Variants in KIAA1217 observed in about 807,000 individuals in gnomAD.
The protein encoded by KIAA1217 is KIAA1217.
KIAA1217 carries 88 observed loss-of-function variants against 163.9 expected under a neutral mutation model. The observed-to-expected ratio is 0.54, with a 90% confidence interval of 0.45 to 0.64. The LOEUF (loss-of-function observed/expected upper bound fraction) is 0.64, where lower values mean the gene tolerates loss of function less well. Ranked by LOEUF, KIAA1217 falls within the 30% of genes least tolerant of loss-of-function variation. The pLI is 0.00. For missense variants in KIAA1217, 2,372 were observed against 2,475.0 expected (o/e 0.96, Z 0.88); for synonymous variants, 903 against 923.1 (o/e 0.98, Z 0.39).
chr10:24,278,854 C>CTTTTTTTTTTTTTTTTTTTTTTTT (rs11288814), intron 2 of KIAA1217, among the ~76,000 whole-genome samples: 2 of 140,844 alleles, frequency 1.4e-5, no homozygotes, highest in Non-Finnish European at 1.5e-5. Context: ...ACTCAGATTA[C>CTTTTTTTTTTTTTTTTTTTTTTTT]TTTTTTTTTT....
intron 1 of KIAA1217, among the ~76,000 whole-genome samples, chr10:23,895,432 AC>A (rs1369277230): frequency 1.3e-5 from 2 of 152,166 alleles, no homozygotes. Flanking sequence ...GCAAATCAAA[AC>A]CACAATGAGA....
At chr10:23,837,525 A>G (rs532539739) in intron 1 of KIAA1217, among the ~76,000 whole-genome samples, 2 of 152,188 alleles carry the variant, frequency 1.3e-5, no homozygotes, top group East Asian at 3.9e-4. Flanking sequence ...TCACCTTTCC[A>G]GCAATCTCAG....
chr10:23,812,713 C>G (rs888225706), intron 1 of KIAA1217, among the ~76,000 whole-genome samples: 5 of 152,292 alleles, frequency 3.3e-5, no homozygotes, highest in Middle Eastern at 3.4e-3. Flanking sequence ...TCTACTCCAG[C>G]ACTAGTTTAC....
intron 2 of KIAA1217, chr10:24,275,556 A>C (rs2077191227): frequency 2.3e-6 from 1 of 433,760 alleles, no homozygotes. Flanking sequence ...GAGGGTCACA[A>C]ACAGATTTTA....
chr10:24,429,487 T>C (rs1392950133), intron 3 of KIAA1217, among the ~76,000 whole-genome samples: 1 of 152,180 alleles, frequency 6.6e-6, no homozygotes, highest in Non-Finnish European at 1.5e-5. Flanking sequence ...ATTGCTCTTC[T>C]CTCTTTTCCC....
At chr10:24,214,874 G>T (rs994795680) in intron 1 of KIAA1217, among the ~76,000 whole-genome samples, 3 of 152,238 alleles carry the variant, frequency 2.0e-5, no homozygotes, top group Admixed American at 6.5e-5. Context: ...TGGCTCTGGA[G>T]CAGGTGTGGA....
At chr10:23,864,001 G>A (rs1226267131) in intron 1 of KIAA1217, among the ~76,000 whole-genome samples, 1 of 152,044 alleles carries the variant, frequency 6.6e-6, no homozygotes, top group African/African-American at 2.4e-5. Flanking sequence ...GGTTTACCTT[G>A]TGCCTGCATA....
At chr10:23,861,796 C>A (rs1298810309) in intron 1 of KIAA1217, among the ~76,000 whole-genome samples, 6 of 152,082 alleles carry the variant, frequency 3.9e-5, no homozygotes, top group African/African-American at 1.4e-4. Flanking sequence ...CAGATATGAA[C>A]CTGGAAATGG....
At chr10:24,362,747 T>TC (rs2050194845) in intron 2 of KIAA1217, among the ~76,000 whole-genome samples, 1 of 152,132 alleles carries the variant, frequency 6.6e-6, no homozygotes, top group Non-Finnish European at 1.5e-5. Context: ...ACGCCTATAA[T>TC]CCCAGCACTT....
At chr10:24,397,804 C>T (rs992576959) in intron 3 of KIAA1217, among the ~76,000 whole-genome samples, 1 of 152,172 alleles carries the variant, frequency 6.6e-6, no homozygotes, top group Non-Finnish European at 1.5e-5. Flanking sequence ...GTTATTCCAT[C>T]CTATCCAGTG....
intron 2 of KIAA1217, among the ~76,000 whole-genome samples, chr10:24,182,970 G>C (rs1589808827): frequency 6.6e-6 from 1 of 152,190 alleles, no homozygotes; most frequent in African/African-American, 2.4e-5. Flanking sequence ...GATATAGTGA[G>C]AGGTGTTTAG....
intron 1 of KIAA1217, among the ~76,000 whole-genome samples, chr10:23,703,396 T>C (rs2130709779): frequency 6.6e-6 from 1 of 152,274 alleles, no homozygotes. Context: ...GCAAATTCCC[T>C]GTGGACTAAA....
At chr10:24,184,786 C>A (rs991427188) in intron 2 of KIAA1217, among the ~76,000 whole-genome samples, 2 of 152,124 alleles carry the variant, frequency 1.3e-5, no homozygotes, top group Non-Finnish European at 2.9e-5. Context: ...TTCCTTTCTG[C>A]CAGATTTTTG....
intron 1 of KIAA1217, among the ~76,000 whole-genome samples, chr10:24,005,131 C>G (rs1296446304): frequency 2.0e-5 from 3 of 152,172 alleles, no homozygotes; most frequent in African/African-American, 7.2e-5. Flanking sequence ...GCTTCTGCCA[C>G]TTACAGCGTG....
intron 2 of KIAA1217, among the ~76,000 whole-genome samples, chr10:24,199,391 G>C (rs1038765338): frequency 6.6e-6 from 1 of 152,132 alleles, no homozygotes; most frequent in Non-Finnish European, 1.5e-5. Context: ...TCAGTATAAA[G>C]TTAATACTAA....
chr10:24,524,562 A>G lies in KIAA1217; in HGVS notation c.2696A>G (p.His899Arg). 6.2e-7 allele frequency: 1 copy of G among 1,613,738 alleles called. No individual in the cohort carries two copies. The highest frequency in any genetic ancestry group is 8.5e-7 in the Non-Finnish European group (1 of 1,179,942). ...CCTGTGGTCATCCAGCCCTCCCAGC[A>G]CTCCGTGGCCCTGCTGAACCCTGCT... The part of the protein sequence containing the change: ...SSPVVIQPSQ[H>R]SVALLNPAQN... Residue 899 changes from histidine (H) to arginine (R), a missense_variant, in exon 13 of 21, where the codon CAC (histidine) becomes CGC (arginine). By Grantham distance (29) the His-to-Arg change is conservative. Coordinates refer to ENST00000376454, the MANE Select transcript of KIAA1217 (RefSeq NM_019590.5).
intron 1 of KIAA1217, among the ~76,000 whole-genome samples, chr10:23,980,204 C>G (rs889906774): frequency 6.6e-6 from 1 of 152,060 alleles, no homozygotes; most frequent in African/African-American, 2.4e-5. Flanking sequence ...CTGTCTGTCC[C>G]GAGAATGGGA....
intron 1 of KIAA1217, among the ~76,000 whole-genome samples, chr10:23,761,370 T>C (rs1402859436): frequency 6.6e-6 from 1 of 152,234 alleles, no homozygotes; most frequent in Non-Finnish European, 1.5e-5. Context: ...GAGATCTTTC[T>C]AGCTTTCTGA....
intron 2 of KIAA1217, among the ~76,000 whole-genome samples, chr10:24,292,880 GAAGA>G (rs2079229678): frequency 1.3e-5 from 2 of 151,940 alleles, no homozygotes; most frequent in African/African-American, 4.8e-5. Flanking sequence ...AAAAAAAAAA[GAAGA>G]AAGGTGGCCT....
Sources: allele counts gnomAD v4.1 joint callset (sites outside exome capture counted in the v4.1 genomes callset), GRCh38; gene constraint gnomAD v4.1.1; transcripts MANE v1.5; gene names NCBI Gene and HGNC (gene_info 2026-07-23, HGNC 2026-07-21).